Variants in EPB41L4A observed in about 807,000 individuals in gnomAD.
The protein encoded by EPB41L4A is band 4.1-like protein 4A.
Under a neutral mutation model 108.6 loss-of-function variants are expected in EPB41L4A, and 100 were observed. The observed-to-expected ratio is 0.92, with a 90% CI of 0.78 to 1.09. The LOEUF is 1.09. EPB41L4A is among the 50% of genes least tolerant of loss of function. EPB41L4A has a pLI of 0.00. For missense variants in EPB41L4A, 1,030 were observed against 842.7 expected (o/e 1.22, Z -2.75); for synonymous variants, 319 against 289.0 (o/e 1.10, Z -1.05).
chr5:112,269,282 A>C (rs543354100), intron 4 of EPB41L4A, among the ~76,000 whole-genome samples: 218 of 152,248 alleles, frequency 1.4e-3, no homozygotes, highest in African/African-American at 5.1e-3. Context: ...AAAATCAAAA[A>C]CTGAAGGCAA....
chr5:112,261,136 T>C (rs75644956), intron 7 of EPB41L4A, among the ~76,000 whole-genome samples: 3,783 of 152,342 alleles, frequency 0.025, 93 homozygotes, highest in African/African-American at 0.067. Context: ...TTAGCAGTAT[T>C]CTTAAAGGAC....
chr5:112,230,680 CTG>C (rs148284923), intron 12 of EPB41L4A, among the ~76,000 whole-genome samples: 4,811 of 152,216 alleles, frequency 0.032, 259 homozygotes, highest in African/African-American at 0.11. Context: ...TGTGGGTTGA[CTG>C]TTTACTCTGA....
chr5:112,388,760 C>T (rs753865444), intron 1 of EPB41L4A, among the ~76,000 whole-genome samples: 1 of 152,166 alleles, frequency 6.6e-6, no homozygotes, highest in South Asian at 2.1e-4. Context: ...TTTCTCCCCG[C>T]ACTCTACCTC....
At position 112,346,216 on chromosome 5, in the gene EPB41L4A, A is replaced by ATTTTTTTTTTTTTTTTTTTTTTTTTTTTT. The variant is rs561328868; in HGVS notation, c.100-38727_100-38726insAAAAAAAAAAAAAAAAAAAAAAAAAAAAA. The stretch of plus-strand genomic sequence containing the variant: ...AATTCTTTAAAGTTAGGTACATTGC[A>ATTTTTTTTTTTTTTTTTTTTTTTTTTTTT]TTTTTTTTTTTTTTTTTTTTTTTTT... On this transcript the variant is annotated intron_variant, in intron 1 of 22. Coordinates refer to ENST00000261486, the MANE Select transcript of EPB41L4A (RefSeq NM_022140.5). Among the ~76,000 whole-genome samples the ATTTTTTTTTTTTTTTTTTTTTTTTTTTTT allele has an allele frequency of 1.9e-4, 13 of 67,346 alleles. 5 individuals are homozygous for ATTTTTTTTTTTTTTTTTTTTTTTTTTTTT. Among genetic ancestry groups the ATTTTTTTTTTTTTTTTTTTTTTTTTTTTT allele is most frequent in the Non-Finnish European group, 3.4e-4 (11 of 32,334 alleles). 44.2% of individuals were successfully genotyped at this position (67,346 alleles called of 152,430 possible). A position where few individuals can be genotyped will look rare whatever the true frequency, so the allele number is the denominator to read the frequency against.
At chr5:112,261,212 C>T (rs1751463069) in intron 7 of EPB41L4A, among the ~76,000 whole-genome samples, 1 of 152,120 alleles carries the variant, frequency 6.6e-6, no homozygotes, top group Non-Finnish European at 1.5e-5. Flanking sequence ...TACTTCTTCC[C>T]CACAATCTAT....
At chr5:112,301,346 G>A (rs116364903) in intron 2 of EPB41L4A, among the ~76,000 whole-genome samples, 4,037 of 152,196 alleles carry the variant, frequency 0.027, 175 homozygotes, top group African/African-American at 0.092. Flanking sequence ...GGGTGTTCCC[G>A]TGATGTAGCA....
At chr5:112,149,306 C>G (rs948808003) in intron 12 of EPB41L4A, among the ~76,000 whole-genome samples, 2 of 152,062 alleles carry the variant, frequency 1.3e-5, no homozygotes, top group Non-Finnish European at 2.9e-5. Context: ...ACTGTCTCTA[C>G]TAAAAATACA....
At chr5:112,255,425 C>G (rs1468333751) in intron 9 of EPB41L4A, among the ~76,000 whole-genome samples, 1 of 152,156 alleles carries the variant, frequency 6.6e-6, no homozygotes, top group African/African-American at 2.4e-5. Flanking sequence ...GGTACACATA[C>G]TTAACAGGGG....
chr5:112,285,650 T>C (rs1184541209), intron 2 of EPB41L4A, among the ~76,000 whole-genome samples: 1 of 152,192 alleles, frequency 6.6e-6, no homozygotes, highest in African/African-American at 2.4e-5. Flanking sequence ...GGCCCCGTTT[T>C]TCAGCAAAAG....
chr5:112,253,967 C>T (rs1305880728), intron 9 of EPB41L4A, among the ~76,000 whole-genome samples: 1 of 152,190 alleles, frequency 6.6e-6, no homozygotes, highest in Non-Finnish European at 1.5e-5. Flanking sequence ...GCCATCATCG[C>T]TTCCCGTGTA....
chr5:112,241,135 C>T (rs1454551504), intron 9 of EPB41L4A, among the ~76,000 whole-genome samples: 10 of 152,152 alleles, frequency 6.6e-5, no homozygotes, highest in East Asian at 3.9e-4. Context: ...AGGAAAAGCA[C>T]GGACCATGTG....
At chr5:112,369,664 T>C (rs901004253) in intron 1 of EPB41L4A, among the ~76,000 whole-genome samples, 8 of 152,180 alleles carry the variant, frequency 5.3e-5, no homozygotes, top group African/African-American at 1.9e-4. Flanking sequence ...ACTGCAGAAA[T>C]GGTGAGAATT....
intron 1 of EPB41L4A, chr5:112,392,881 A>C (rs1761049363): frequency 6.6e-6 from 1 of 152,238 alleles, no homozygotes; most frequent in Admixed American, 6.5e-5. Flanking sequence ...AGAAATCACA[A>C]CAAACTGTCT....
At chr5:112,391,811 G>C (rs760057826) in intron 1 of EPB41L4A, among the ~76,000 whole-genome samples, 34 of 152,112 alleles carry the variant, frequency 2.2e-4, no homozygotes, top group South Asian at 6.2e-4. Flanking sequence ...AGGAAAAAAT[G>C]TTAAGGGCAG....
chr5:112,150,400 A>T (rs1438316506), intron 12 of EPB41L4A, among the ~76,000 whole-genome samples: 2 of 151,256 alleles, frequency 1.3e-5, no homozygotes, highest in Non-Finnish European at 2.9e-5. Context: ...TTCAAGACAT[A>T]AAAGAGGGTG....
Position 112,184,089 on chromosome 5 carries a change from C to T in EPB41L4A, c.1549G>A (p.Ala517Thr). 1.9e-6 allele frequency: 3 copies of T among 1,614,028 alleles called. No homozygotes were observed. The highest frequency in any genetic ancestry group is 2.5e-6 in the Non-Finnish European group (3 of 1,179,934). The change falls in exon 18 of 23, where the codon GCT (alanine) becomes ACT (threonine). Residue 517 changes from alanine (A) to threonine (T), a missense_variant. Transcript: ENST00000261486. ...DMVDSAPQWE[A>T]VLRRQKEKNQ... is the part of the protein sequence containing the mutation. ...TTTTCCTTTTGTCTCCTTAATACAG[C>T]TTCCCACTGAGGCGCTGAATCAACC...
At position 112,168,747 on chromosome 5, in the gene EPB41L4A, C is replaced by A. The variant is rs180931108; in HGVS notation, c.1924G>T (p.Val642Phe). The change falls in exon 22 of 23, where the codon GTT becomes TTT. Residue 642 changes from valine (V) to phenylalanine (F), a missense_variant. Physicochemically the swap from Val to Phe is conservative, Grantham distance 50. Transcript: ENST00000261486. ...ACCTTACTATTACTAACCTGATGAA[C>A]TGTAGCATCCCCAGAACCCTGAGCA... is the stretch of plus-strand genomic sequence containing the variant. Reference protein sequence around the residue: ...SDAQGSGDATVHQRRNGSKDS... With the variant: ...SDAQGSGDATFHQRRNGSKDS... 10 of 1,613,214 alleles carry A rather than the reference C, an allele frequency of 6.2e-6. No individual in the cohort carries two copies. In the East Asian group the frequency reaches 8.9e-5, roughly 14 times the overall value.
chr5:112,258,375 T>A (rs1751253310), intron 9 of EPB41L4A, among the ~76,000 whole-genome samples: 1 of 152,234 alleles, frequency 6.6e-6, no homozygotes. Flanking sequence ...CCAATTTACT[T>A]TTCTTTAATC....
chr5:112,181,458 A>T (rs919322478), intron 18 of EPB41L4A, among the ~76,000 whole-genome samples: 5 of 152,070 alleles, frequency 3.3e-5, no homozygotes, highest in East Asian at 1.9e-4. Flanking sequence ...CTCAAAAAAA[A>T]AAAATAAATA....
Sources: allele counts gnomAD v4.1 joint callset (sites outside exome capture counted in the v4.1 genomes callset), GRCh38; gene constraint gnomAD v4.1.1; transcripts MANE v1.5; gene names NCBI Gene and HGNC (gene_info 2026-07-23, HGNC 2026-07-21).